Variants in RAB40C observed in about 807,000 individuals in gnomAD.
The protein encoded by RAB40C is RAB40C, member RAS oncogene family, also known as ras-related protein Rab-40C.
Under a neutral mutation model 28.1 loss-of-function variants are expected in RAB40C, and 8 were observed. That is an observed-to-expected ratio of 0.28 (90% CI 0.17 to 0.51). The LOEUF is 0.51. RAB40C is among the 20% of genes least tolerant of loss of function. RAB40C has a pLI of 0.97. For synonymous variants in RAB40C, 201 were observed against 171.7 expected, an observed-to-expected ratio of 1.17 and a Z score of -1.34; for missense variants, 288 against 405.9, an observed-to-expected ratio of 0.71 and a Z score of 2.50.
intron 1 of RAB40C, among the ~76,000 whole-genome samples, chr16:608,421 C>T (rs2151069526): frequency 6.6e-6 from 1 of 152,346 alleles, no homozygotes; most frequent in South Asian, 2.1e-4. Context: ...CCACCTCGTC[C>T]TCTGTCCTTT....
chr16:601,643 A>G (rs1272177625), intron 1 of RAB40C, among the ~76,000 whole-genome samples: 1 of 152,056 alleles, frequency 6.6e-6, no homozygotes, highest in Non-Finnish European at 1.5e-5. Context: ...CTAAAATTAC[A>G]TGAGAGGGAA....
chr16:605,564 C>T (rs961666998), intron 1 of RAB40C, among the ~76,000 whole-genome samples: 14 of 152,214 alleles, frequency 9.2e-5, no homozygotes, highest in Admixed American at 3.9e-4. Flanking sequence ...AGGGCAAACT[C>T]TCCTGTGTCC....
At position 627,428 on chromosome 16, in the gene RAB40C, A is replaced by G. The variant is rs142091223; in HGVS notation, c.652A>G (p.Ile218Val). The G allele has an allele frequency of 1.9e-6, 3 of 1,613,678 alleles. No individual in the cohort carries two copies. The African/African-American group carries it at 4.0e-5, about 22-fold the overall frequency. ...LIDKLPLPVT[I>V]KSHLKSFSMA... The stretch of plus-strand genomic sequence containing the variant: ...CGACAAGCTTCCACTGCCCGTCACC[A>G]TCAAGAGCCACCTCAAGTCCTTCTC... The change falls in exon 6 of 6, where the codon ATC becomes GTC. Residue 218 changes from isoleucine to valine, a missense_variant. Around this residue, in one of 3 missense-constraint regions of RAB40C, gnomAD observed 153 missense variants for 262.4 expected, o/e 0.58. Transcript: ENST00000248139.
chr16:606,564 G>T (rs1000338798), intron 1 of RAB40C, among the ~76,000 whole-genome samples: 3 of 152,236 alleles, frequency 2.0e-5, no homozygotes, highest in Non-Finnish European at 4.4e-5. Context: ...GTTGGCCAGG[G>T]CTTTGCTTTT....
rs1220357794 is a variant in RAB40C, at chr16:629,100, TG to T, written c.*1479del. 6.1e-6 allele frequency: 1 copy of T among 162,754 alleles called. No individual in the cohort carries two copies. The highest frequency in any genetic ancestry group is 1.4e-5 in the Non-Finnish European group (1 of 73,706). 10.1% of individuals were successfully genotyped at this position (162,754 alleles called of 1,614,324 possible). On this transcript the variant is annotated 3_prime_UTR_variant, in exon 6 of 6. Transcript: ENST00000248139. Reference sequence around the variant, plus strand: ...GTCCTGGCCCCACCTGTCCTGTTGCTGCCAGCAGGGCCCTTGTTTGGGATTA... The same window carrying T: ...GTCCTGGCCCCACCTGTCCTGTTGCTCCAGCAGGGCCCTTGTTTGGGATTA...
In RAB40C at chr16:590,207, G is replaced by T. The variant is rs2035959432; in HGVS notation, c.-85G>T. Reference sequence around the variant, plus strand: ...CGTGGGGCGGACGCAACGGGCGCAGGTGCGGGGCGCGGGCTCTCTCACGCC... The same window carrying T: ...CGTGGGGCGGACGCAACGGGCGCAGTTGCGGGGCGCGGGCTCTCTCACGCC... On this transcript the variant is annotated 5_prime_UTR_variant, in exon 1 of 6. Coordinates refer to ENST00000248139, the MANE Select transcript of RAB40C (RefSeq NM_021168.5). 1.9e-6 allele frequency: 2 copies of T among 1,075,220 alleles called. No individual in the cohort carries two copies. The highest frequency in any genetic ancestry group is 5.2e-5 in the Admixed American group (1 of 19,300). 66.6% of individuals were successfully genotyped at this position (1,075,220 alleles called of 1,614,324 possible).
rs192777795 is a variant in RAB40C, at chr16:623,987, C to G, written c.265-1445C>G. The G allele has an allele frequency of 9.0e-5, 89 of 985,438 alleles. No homozygotes were observed. The African/African-American group carries it at 1.5e-3, about 17-fold the overall frequency. The allele number at this position is 985,438 out of a possible 1,614,324, so 61.0% of individuals were successfully genotyped here. A position where few individuals can be genotyped will look rare whatever the true frequency, so the allele number is the denominator to read the frequency against. ...TGCTGGGACCTGCGTTCTTACCTCACCTGGGTTGCACATCTCTCCTTGGCC... is the reference window on the plus strand; with the variant it reads ...TGCTGGGACCTGCGTTCTTACCTCAGCTGGGTTGCACATCTCTCCTTGGCC... On this transcript the variant is annotated intron_variant, in intron 3 of 5. Transcript: ENST00000248139.
At chr16:599,078 G>GACT in intron 1 of RAB40C, among the ~76,000 whole-genome samples, 1 of 152,358 alleles carries the variant, frequency 6.6e-6, no homozygotes, top group South Asian at 2.1e-4. Flanking sequence ...TAGGGTAGAT[G>GACT]ACATCAGGAT....
intron 2 of RAB40C, among the ~76,000 whole-genome samples, chr16:617,881 C>T (rs1180754470): frequency 1.3e-5 from 2 of 152,240 alleles, no homozygotes; most frequent in South Asian, 2.1e-4. Context: ...AGAACGTCAG[C>T]GTTGATGAGA....
intron 1 of RAB40C, among the ~76,000 whole-genome samples, chr16:594,481 G>A (rs1432290149): frequency 6.6e-6 from 1 of 152,212 alleles, no homozygotes; most frequent in African/African-American, 2.4e-5. Flanking sequence ...CTGTGTGGGT[G>A]TCCCAGCTTC....
chr16:624,803 G>C, intron 3 of RAB40C: 1 of 985,448 alleles, frequency 1.0e-6, no homozygotes, highest in Non-Finnish European at 1.2e-6. Context: ...TGTGAGCAGT[G>C]TGCTCCCCTG....
intron 3 of RAB40C, chr16:624,655 C>T (rs1446672322): frequency 1.0e-6 from 1 of 985,352 alleles, no homozygotes; most frequent in East Asian, 1.1e-4. Context: ...AAGGTTTTGT[C>T]AGCCTAGGAG....
chr16:590,256 GGCAGGCGGCCGGCGCGGGGC>G lies in RAB40C; in HGVS notation c.-26_-7del. 1.4e-6 allele frequency: 2 copies of G among 1,419,326 alleles called. No homozygotes were observed. The highest frequency in any genetic ancestry group is 1.8e-6 in the Non-Finnish European group (2 of 1,082,014). 87.9% of individuals were successfully genotyped at this position (1,419,326 alleles called of 1,614,324 possible). A position where few individuals can be genotyped will look rare whatever the true frequency, so the allele number is the denominator to read the frequency against. On this transcript the variant is annotated 5_prime_UTR_variant, in exon 1 of 6. Coordinates refer to ENST00000248139, the MANE Select transcript of RAB40C (RefSeq NM_021168.5). ...CCGCGGCCTCACCCGGCGGTGCTTC[GGCAGGCGGCCGGCGCGGGGC>G]GCAGGCGGCGCGGCCATGGGCTCGC...
rs139898602 is a variant in RAB40C, at chr16:627,562, C to T, written c.786C>T (p.Ser262=). The change falls in exon 6 of 6, where the codon TCC becomes TCT. Residue 262 remains serine (S), a synonymous_variant. Coordinates refer to ENST00000248139, the MANE Select transcript of RAB40C (RefSeq NM_021168.5). ...GCAACAGCCTCAAGAGGTCCAAGTC[C>T]ATCCGTCCACCCCAGAGCCCCCCCC... ...SKGNSLKRSK[S]IRPPQSPPQN... The T allele has an allele frequency of 1.2e-6, 2 of 1,612,674 alleles. No individual in the cohort carries two copies. Among genetic ancestry groups the T allele is most frequent in the African/African-American group, 1.3e-5 (1 of 74,946 alleles).
intron 4 of RAB40C, 138 bp downstream of exon 4, chr16:625,647 G>A (rs1567195174): frequency 3.1e-6 from 3 of 962,134 alleles, no homozygotes; most frequent in Non-Finnish European, 3.1e-6. Flanking sequence ...CACGGCCTAC[G>A]CCTGGGCATG....
At chr16:623,966 G>A (rs1428459634) in intron 3 of RAB40C, 1 of 985,252 alleles carries the variant, frequency 1.0e-6, no homozygotes, top group Non-Finnish European at 1.2e-6. Context: ...CCGCAGTGCT[G>A]GGACCTGCGT....
chr16:615,984 G>C (rs917796241), intron 1 of RAB40C, among the ~76,000 whole-genome samples: 1 of 151,964 alleles, frequency 6.6e-6, no homozygotes, highest in Non-Finnish European at 1.5e-5. Flanking sequence ...AAGGCCGGGT[G>C]CAGTGGCTCA....
chr16:624,697 G>C, intron 3 of RAB40C: 1 of 985,474 alleles, frequency 1.0e-6, no homozygotes, highest in Non-Finnish European at 1.2e-6. Context: ...GGCTGGATCT[G>C]GTTGCAGAAT....
At chr16:597,334 C>T (rs558456900) in intron 1 of RAB40C, among the ~76,000 whole-genome samples, 5 of 152,136 alleles carry the variant, frequency 3.3e-5, no homozygotes, top group South Asian at 2.1e-4. Flanking sequence ...GAGCAGCCTT[C>T]GCCGTCTTTA....
Sources: allele counts gnomAD v4.1 joint callset (sites outside exome capture counted in the v4.1 genomes callset), GRCh38; gene constraint gnomAD v4.1.1; regional missense constraint gnomAD v4.1.1; transcripts MANE v1.5; gene names NCBI Gene and HGNC (gene_info 2026-07-23, HGNC 2026-07-21).